Variants in SENP5 observed in about 807,000 individuals in gnomAD.
SENP5 encodes SUMO specific peptidase 5, also known as sentrin-specific protease 5.
A neutral mutation model predicts 74.2 loss-of-function variants in SENP5; 21 were observed. The observed-to-expected ratio is 0.28, with a 90% CI of 0.20 to 0.41. The LOEUF (loss-of-function observed/expected upper bound fraction) is 0.41, where lower values mean the gene tolerates loss of function less well. Among genes scored for constraint, SENP5 ranks in the 10% least tolerant of loss-of-function variants. The pLI, the probability that SENP5 is intolerant of heterozygous loss-of-function variation, is 1.00. For synonymous variants in SENP5, 311 were observed against 312.7 expected (o/e 0.99, Z 0.06); for missense variants, 717 against 889.1 (o/e 0.81, Z 2.46).
chr3:196,917,722 A>T (rs1383468389), intron 6 of SENP5, among the ~76,000 whole-genome samples: 4 of 152,240 alleles, frequency 2.6e-5, no homozygotes, highest in Non-Finnish European at 5.9e-5. Flanking sequence ...AATATACTTC[A>T]AACATGAAGG....
intron 1 of SENP5, among the ~76,000 whole-genome samples, chr3:196,880,721 C>T (rs1350991431): frequency 4.9e-5 from 7 of 141,670 alleles, no homozygotes; most frequent in Non-Finnish European, 7.5e-5. Context: ...GGCTCACTGT[C>T]ACCTGCGCCT....
chr3:196,890,507 T>G (rs11185460), intron 2 of SENP5, among the ~76,000 whole-genome samples: 20 of 151,700 alleles, frequency 1.3e-4, no homozygotes, highest in Non-Finnish European at 1.5e-5. Context: ...AAGCTCCTCC[T>G]TTGAAAAACA....
chr3:196,873,727 C>A lies in SENP5; in HGVS notation c.-32+5654C>A, dbSNP rs563473658. Among the ~76,000 whole-genome samples the A allele has an allele frequency of 9.2e-4, 140 of 152,110 alleles. 1 individual carries two copies. The highest frequency in any genetic ancestry group is 3.3e-3 in the African/African-American group (137 of 41,534). On this transcript the variant is annotated intron_variant, in intron 1 of 9. Transcript: ENST00000323460. ...TGGTGGCGGGCGCCTGAAGTCCCAG[C>A]TACTCGGGAGGCTGAGGCAGGAGAA...
At chr3:196,872,244 G>C (rs1713247356) in intron 1 of SENP5, among the ~76,000 whole-genome samples, 1 of 152,136 alleles carries the variant, frequency 6.6e-6, no homozygotes, top group Non-Finnish European at 1.5e-5. Flanking sequence ...GTTGATATTT[G>C]GTCAGTATGA....
Position 196,900,006 on chromosome 3 carries a change from A to T in SENP5, c.1702A>T (p.Met568Leu). Reference protein sequence around the residue: ...CNFRIFYNKHMLDMDDLATLD... With the variant: ...CNFRIFYNKHLLDMDDLATLD... ...CTTCCGTATCTTCTATAATAAACACATGCTGGATATGGACGACCTGGCGAC... is the reference window on the plus strand; with the variant it reads ...CTTCCGTATCTTCTATAATAAACACTTGCTGGATATGGACGACCTGGCGAC... The change falls in exon 4 of 10, where the codon ATG (methionine) becomes TTG (leucine). Residue 568 changes from methionine to leucine, a missense_variant. Around this residue, in one of 4 missense-constraint regions of SENP5, gnomAD observed 64 missense variants for 100.8 expected, o/e 0.64. Coordinates refer to ENST00000323460, the MANE Select transcript of SENP5 (RefSeq NM_152699.5). 2 of 1,614,004 alleles carry T rather than the reference A, an allele frequency of 1.2e-6. No homozygotes were observed. The highest frequency in any genetic ancestry group is 2.2e-5 in the East Asian group (1 of 44,884).
chr3:196,868,608 GGGATGCGGAGA>G (rs1243300085), intron 1 of SENP5, among the ~76,000 whole-genome samples: 1 of 152,210 alleles, frequency 6.6e-6, no homozygotes, highest in East Asian at 1.9e-4. Context: ...TCGGGGTGGA[GGGATGCGGAGA>G]GGATGTGGGA....
intron 4 of SENP5, 59 bp downstream of exon 4, chr3:196,900,121 T>G (rs557027484): frequency 7.7e-6 from 12 of 1,564,150 alleles, no homozygotes; most frequent in Non-Finnish European, 1.0e-5. Flanking sequence ...GTCAATAAAA[T>G]ATAATCTCTA....
At chr3:196,926,086 A>C (rs1040117627) in intron 7 of SENP5, among the ~76,000 whole-genome samples, 28 of 152,188 alleles carry the variant, frequency 1.8e-4, no homozygotes, top group African/African-American at 6.8e-4. Context: ...AGCTTTATTC[A>C]CTAGTGTCCC....
chr3:196,880,058 G>C (rs762165667), intron 1 of SENP5, among the ~76,000 whole-genome samples: 4 of 152,008 alleles, frequency 2.6e-5, no homozygotes, highest in Non-Finnish European at 5.9e-5. Flanking sequence ...TGATTCTCCT[G>C]CCTCAGCCTC....
At chr3:196,908,562 G>A (rs989826542) in intron 6 of SENP5, among the ~76,000 whole-genome samples, 2 of 152,176 alleles carry the variant, frequency 1.3e-5, no homozygotes, top group Non-Finnish European at 2.9e-5. Context: ...GGTGACTCAT[G>A]CCTGTAATCC....
intron 2 of SENP5, among the ~76,000 whole-genome samples, chr3:196,887,071 G>A (rs1272782361): frequency 6.6e-6 from 1 of 152,174 alleles, no homozygotes; most frequent in Non-Finnish European, 1.5e-5. Flanking sequence ...AGCTTTGGCA[G>A]TCTTACAGAT....
intron 6 of SENP5, 109 bp downstream of exon 6, chr3:196,903,719 C>A: frequency 1.7e-6 from 1 of 600,936 alleles, no homozygotes; most frequent in South Asian, 2.4e-5. Context: ...TAGAAACAGA[C>A]TTTTTAATGT....
At chr3:196,903,382 C>A in intron 5 of SENP5, 151 bp from the exon 6 acceptor site, 1 of 506,906 alleles carries the variant, frequency 2.0e-6, no homozygotes, top group South Asian at 3.3e-5. Context: ...CCAGATGATC[C>A]ACTTGCCTCC....
At chr3:196,899,453 A>C (rs1458709045) in intron 2 of SENP5, among the ~76,000 whole-genome samples, 1 of 152,204 alleles carries the variant, frequency 6.6e-6, no homozygotes, top group East Asian at 1.9e-4. Context: ...GATTCCTCAC[A>C]GTATGTCTCT....
chr3:196,916,062 C>T (rs1023607869), intron 6 of SENP5, among the ~76,000 whole-genome samples: 4 of 152,144 alleles, frequency 2.6e-5, no homozygotes, highest in African/African-American at 7.2e-5. Context: ...CCTTGGGTCA[C>T]GCCTATAATC....
chr3:196,921,467 G>C (rs1489016122), intron 6 of SENP5, among the ~76,000 whole-genome samples: 2 of 152,060 alleles, frequency 1.3e-5, no homozygotes, highest in Non-Finnish European at 2.9e-5. Context: ...TGGAAAGATA[G>C]GTGAAGTGTA....
intron 2 of SENP5, among the ~76,000 whole-genome samples, chr3:196,887,416 G>A (rs931627335): frequency 6.6e-6 from 1 of 151,980 alleles, no homozygotes; most frequent in Non-Finnish European, 1.5e-5. Context: ...CTGACCTCAC[G>A]TGATCCACCC....
At chr3:196,874,036 C>T (rs1193048302) in intron 1 of SENP5, among the ~76,000 whole-genome samples, 2 of 150,348 alleles carry the variant, frequency 1.3e-5, no homozygotes, top group African/African-American at 4.9e-5. Flanking sequence ...TTTATTGGCT[C>T]ACACCTGTAA....
At chr3:196,903,315 T>A (rs1306542440) in intron 5 of SENP5, among the ~76,000 whole-genome samples, 1 of 152,148 alleles carries the variant, frequency 6.6e-6, no homozygotes, top group African/African-American at 2.4e-5. Flanking sequence ...AATTTTTGTA[T>A]TTTTAGGAGA....
Sources: gnomAD v4.1 joint callset for allele counts (sites outside exome capture counted in the v4.1 genomes callset) on GRCh38, gnomAD v4.1.1 for gene constraint, gnomAD v4.1.1 regional missense constraint, MANE v1.5 for transcripts, NCBI Gene and HGNC (gene_info 2026-07-23, HGNC 2026-07-21) for gene names.